Variants in KALRN observed in about 807,000 individuals in gnomAD.
The protein encoded by KALRN is kalirin.
In KALRN, 70 loss-of-function variants were observed where a neutral mutation model predicts 353.7. The observed-to-expected ratio is 0.20, with a 90% confidence interval of 0.16 to 0.24. The LOEUF (loss-of-function observed/expected upper bound fraction) is 0.24. KALRN is among the 10% of genes least tolerant of loss of function. The probability of loss-of-function intolerance (pLI) is 1.00; values close to 1 mark genes in which losing one functional copy is unlikely to be tolerated. For missense variants in KALRN, 2,791 were observed against 3,756.7 expected, an observed-to-expected ratio of 0.74 and a Z score of 6.72; for synonymous variants, 1,391 against 1,434.8, an observed-to-expected ratio of 0.97 and a Z score of 0.69.
chr3:124,418,797 T>G (rs1576762613), intron 14 of KALRN, among the ~76,000 whole-genome samples: 1 of 152,236 alleles, frequency 6.6e-6, no homozygotes, highest in East Asian at 1.9e-4. Context: ...CTCTGTTTCC[T>G]GTACTGTCTT....
At chr3:124,398,041 G>A (rs909819154) in intron 12 of KALRN, among the ~76,000 whole-genome samples, 3 of 152,214 alleles carry the variant, frequency 2.0e-5, no homozygotes, top group Admixed American at 2.0e-4. Flanking sequence ...GCTCAGAGAG[G>A]TGATTTCCCA....
intron 58 of KALRN, among the ~76,000 whole-genome samples, chr3:124,716,246 G>A (rs6802487): frequency 0.084 from 12,800 of 152,170 alleles, 900 homozygotes; most frequent in East Asian, 0.32. Context: ...ATCAAGAGCC[G>A]GGCACGCTGG....
intron 11 of KALRN, among the ~76,000 whole-genome samples, chr3:124,394,507 C>T (rs912916262): frequency 2.0e-5 from 3 of 152,112 alleles, no homozygotes; most frequent in Admixed American, 2.0e-4. Context: ...GTTGTCTGGC[C>T]AGTAATACCT....
chr3:124,152,113 A>G (rs994224286), intron 1 of KALRN: 3 of 1,276,794 alleles, frequency 2.3e-6, no homozygotes, highest in Non-Finnish European at 3.4e-6. Context: ...AGCGTTTTCC[A>G]ACATTATAGA....
At chr3:124,060,077 G>A (rs2041873355) in intron 1 of KALRN, among the ~76,000 whole-genome samples, 1 of 152,154 alleles carries the variant, frequency 6.6e-6, no homozygotes, top group Non-Finnish European at 1.5e-5. Flanking sequence ...TAGCTTCCAA[G>A]TGGCCTTGAT....
intron 9 of KALRN, 91 bp from the exon 10 acceptor site, chr3:124,347,052 G>A (rs2149551848): frequency 6.3e-7 from 1 of 1,581,246 alleles, no homozygotes; most frequent in South Asian, 1.2e-5. Flanking sequence ...ATGGGATATA[G>A]GGGTGGTTAG....
At chr3:124,379,227 A>AT (rs1322909917) in intron 10 of KALRN, among the ~76,000 whole-genome samples, 1 of 152,100 alleles carries the variant, frequency 6.6e-6, no homozygotes, top group Non-Finnish European at 1.5e-5. Flanking sequence ...AGTACAAGGG[A>AT]TTTTTTAAAA....
intron 31 of KALRN, 197 bp downstream of exon 31, chr3:124,491,621 C>T: frequency 2.4e-6 from 1 of 421,872 alleles, no homozygotes; most frequent in Non-Finnish European, 4.2e-6. Context: ...CGCATGGTCT[C>T]CTCAAGTGCA....
chr3:124,213,845 G>A (rs2077092259), intron 1 of KALRN, among the ~76,000 whole-genome samples: 2 of 152,238 alleles, frequency 1.3e-5, no homozygotes, highest in South Asian at 4.1e-4. Flanking sequence ...ATTTGCCACA[G>A]GATCACATTG....
chr3:124,488,411 G>A (rs1458149237), intron 29 of KALRN, 96 bp downstream of exon 29: 5 of 828,002 alleles, frequency 6.0e-6, no homozygotes, highest in South Asian at 1.4e-5. Context: ...TAGACAAGGT[G>A]CAAGGCTGGA....
chr3:124,622,639 G>C (rs1409127302), intron 34 of KALRN, among the ~76,000 whole-genome samples: 1 of 152,170 alleles, frequency 6.6e-6, no homozygotes, highest in Non-Finnish European at 1.5e-5. Flanking sequence ...CCCTTGCAAA[G>C]ACACTGCTAC....
At chr3:124,152,771 TTTTG>T (rs562587190) in intron 1 of KALRN, 77 of 348,034 alleles carry the variant, frequency 2.2e-4, no homozygotes, top group Non-Finnish European at 2.7e-4. Context: ...TTTTTGTAGT[TTTTG>T]TTTGTTTGTT....
At chr3:124,268,631 C>T (rs2073837390) in intron 4 of KALRN, 112 bp from the exon 5 acceptor site, 4 of 1,134,512 alleles carry the variant, frequency 3.5e-6, no homozygotes, top group Non-Finnish European at 2.6e-6. Flanking sequence ...ATTTCCGAGG[C>T]AGGCTGTGGT....
chr3:124,473,495 A>C (rs960543615), intron 25 of KALRN, among the ~76,000 whole-genome samples: 1 of 152,180 alleles, frequency 6.6e-6, no homozygotes, highest in African/African-American at 2.4e-5. Context: ...AAGAATACGT[A>C]ATTCCTACTG....
chr3:124,640,906 C>T (rs946475410), intron 37 of KALRN, among the ~76,000 whole-genome samples: 1 of 152,150 alleles, frequency 6.6e-6, no homozygotes, highest in African/African-American at 2.4e-5. Flanking sequence ...TTACAGAGTT[C>T]AATTCCATCT....
At chr3:124,184,395 AT>A (rs1225975243) in intron 1 of KALRN, among the ~76,000 whole-genome samples, 1 of 152,248 alleles carries the variant, frequency 6.6e-6, no homozygotes, top group Non-Finnish European at 1.5e-5. Flanking sequence ...ATCTTATGTC[AT>A]TCCTTTGGGT....
At chr3:124,105,560 C>A (rs955678856) in intron 1 of KALRN, among the ~76,000 whole-genome samples, 9 of 151,974 alleles carry the variant, frequency 5.9e-5, no homozygotes, top group African/African-American at 2.2e-4. Flanking sequence ...AGAGCCAGGA[C>A]ATAATAATTT....
chr3:124,461,495 T>C (rs978775944), intron 23 of KALRN, among the ~76,000 whole-genome samples: 4 of 152,136 alleles, frequency 2.6e-5, no homozygotes, highest in African/African-American at 9.7e-5. Flanking sequence ...CTGGGAGCTG[T>C]AGGAGAAATG....
At chr3:124,470,534 TA>T (rs11295872) in intron 25 of KALRN, among the ~76,000 whole-genome samples, 111,378 of 146,018 alleles carry the variant, frequency 0.76, 42,388 homozygotes, top group Middle Eastern at 0.9. Context: ...ATAGGTTTTT[TA>T]AAAAAAAAAA....
Sources: gnomAD v4.1 joint callset for allele counts (sites outside exome capture counted in the v4.1 genomes callset) on GRCh38, gnomAD v4.1.1 for gene constraint, MANE v1.5 for transcripts, NCBI Gene and HGNC (gene_info 2026-07-23, HGNC 2026-07-21) for gene names.